The following AGBL4 variants were observed in gnomAD, a reference collection of about 807,000 sequenced individuals.
AGBL4 encodes AGBL carboxypeptidase 4.
Under a neutral mutation model 66.4 loss-of-function variants are expected in AGBL4, and 58 were observed. The observed-to-expected ratio is 0.87, with a 90% CI of 0.71 to 1.09. AGBL4 has a LOEUF of 1.09. Among genes scored for constraint, AGBL4 ranks in the 50% least tolerant of loss-of-function variants. The pLI is 0.00. For synonymous variants in AGBL4, 234 were observed against 222.9 expected, an observed-to-expected ratio of 1.05 and a Z score of -0.44; for missense variants, 579 against 631.0, an observed-to-expected ratio of 0.92 and a Z score of 0.88.
At chr1:49,320,009 T>C (rs1443344172) in intron 3 of AGBL4, among the ~76,000 whole-genome samples, 2 of 152,168 alleles carry the variant, frequency 1.3e-5, no homozygotes, top group East Asian at 3.9e-4. Context: ...GACGGTTCAC[T>C]ACAGCCTCAA....
chr1:49,896,987 G>A (rs1649289283), intron 1 of AGBL4, among the ~76,000 whole-genome samples: 1 of 151,598 alleles, frequency 6.6e-6, no homozygotes, highest in African/African-American at 2.4e-5. Context: ...ACATACAACA[G>A]ACCCACAGCT....
At chr1:48,827,654 T>C (rs1329188957) in intron 6 of AGBL4, among the ~76,000 whole-genome samples, 1 of 152,108 alleles carries the variant, frequency 6.6e-6, no homozygotes, top group African/African-American at 2.4e-5. Flanking sequence ...AGACATGTAG[T>C]TCTGCATGCT....
intron 1 of AGBL4, among the ~76,000 whole-genome samples, chr1:49,988,316 G>C (rs1161012752): frequency 6.6e-6 from 1 of 152,060 alleles, no homozygotes; most frequent in Non-Finnish European, 1.5e-5. Context: ...CAGTATTTGA[G>C]AATACCAAAA....
intron 2 of AGBL4, among the ~76,000 whole-genome samples, chr1:49,790,905 G>A (rs1644583724): frequency 5.3e-5 from 8 of 152,136 alleles, no homozygotes; most frequent in Admixed American, 5.2e-4. Context: ...TGTCTTAATA[G>A]CCAATTGACT....
intron 3 of AGBL4, among the ~76,000 whole-genome samples, chr1:49,546,035 C>T (rs1386703385): frequency 6.6e-6 from 1 of 152,096 alleles, no homozygotes; most frequent in Non-Finnish European, 1.5e-5. Flanking sequence ...GCCTCCCTCC[C>T]ACTTTTCCCC....
At chr1:48,877,296 A>G (rs1399861263) in intron 5 of AGBL4, among the ~76,000 whole-genome samples, 1 of 152,108 alleles carries the variant, frequency 6.6e-6, no homozygotes, top group East Asian at 1.9e-4. Context: ...TATGCTATTT[A>G]TTTGATTCAA....
chr1:48,811,811 G>A (rs955019099), intron 6 of AGBL4, among the ~76,000 whole-genome samples: 1 of 152,104 alleles, frequency 6.6e-6, no homozygotes, highest in Non-Finnish European at 1.5e-5. Flanking sequence ...TACGGAGTGG[G>A]TGGGATCTGA....
chr1:49,259,360 G>C (rs1652877535), intron 3 of AGBL4, among the ~76,000 whole-genome samples: 1 of 152,086 alleles, frequency 6.6e-6, no homozygotes, highest in African/African-American at 2.4e-5. Flanking sequence ...ACACAGACTG[G>C]CAAATTGGAT....
At chr1:49,983,703 G>C (rs1330311558) in intron 1 of AGBL4, among the ~76,000 whole-genome samples, 6 of 152,222 alleles carry the variant, frequency 3.9e-5, no homozygotes, top group African/African-American at 1.4e-4. Context: ...CATCTACTTT[G>C]ATCATGAACA....
At chr1:49,380,726 G>A (rs968094490) in intron 3 of AGBL4, among the ~76,000 whole-genome samples, 1 of 151,936 alleles carries the variant, frequency 6.6e-6, no homozygotes, top group African/African-American at 2.4e-5. Context: ...ACAAACCTGA[G>A]AAAAACAAGC....
chr1:48,904,091 C>T (rs996693973), intron 5 of AGBL4, among the ~76,000 whole-genome samples: 1 of 152,076 alleles, frequency 6.6e-6, no homozygotes, highest in African/African-American at 2.4e-5. Context: ...CCAGCCTGAC[C>T]AACATGGTGG....
intron 5 of AGBL4, among the ~76,000 whole-genome samples, chr1:49,039,215 G>A (rs1380634484): frequency 6.6e-6 from 1 of 152,040 alleles, no homozygotes; most frequent in African/African-American, 2.4e-5. Context: ...AGGTACAGAT[G>A]ATTTTTGGAA....
chr1:48,717,533 T>C (rs1411605769), intron 6 of AGBL4, among the ~76,000 whole-genome samples: 2 of 152,224 alleles, frequency 1.3e-5, no homozygotes, highest in Non-Finnish European at 2.9e-5. Context: ...CGTGTGTGTG[T>C]GCGCGCGTGC....
chr1:49,776,978 G>A (rs904607371), intron 2 of AGBL4, among the ~76,000 whole-genome samples: 6 of 152,032 alleles, frequency 3.9e-5, no homozygotes, highest in Non-Finnish European at 8.8e-5. Flanking sequence ...TCTAGCACAT[G>A]GAACAGTGCT....
At chr1:49,875,925 T>A (rs1272771278) in intron 1 of AGBL4, among the ~76,000 whole-genome samples, 4 of 149,350 alleles carry the variant, frequency 2.7e-5, no homozygotes, top group African/African-American at 9.9e-5. Context: ...GAGCATTTTT[T>A]CATGTGTTTT....
intron 3 of AGBL4, among the ~76,000 whole-genome samples, chr1:49,447,823 G>A (rs1646192910): frequency 6.6e-6 from 1 of 152,134 alleles, no homozygotes; most frequent in Non-Finnish European, 1.5e-5. Flanking sequence ...TGTTCCCCAT[G>A]AGTTCTCTGT....
intron 2 of AGBL4, among the ~76,000 whole-genome samples, chr1:49,738,865 TAACA>T: frequency 6.6e-6 from 1 of 152,230 alleles, no homozygotes; most frequent in East Asian, 1.9e-4. Context: ...GAAGGAAAAC[TAACA>T]AACAGAAAGG....
At chr1:49,970,551 C>T (rs1220222639) in intron 1 of AGBL4, among the ~76,000 whole-genome samples, 1 of 151,898 alleles carries the variant, frequency 6.6e-6, no homozygotes, top group East Asian at 1.9e-4. Flanking sequence ...CAAAAATTAG[C>T]CAGGTGTGGT....
At chr1:49,955,675 T>C (rs1445014822) in intron 1 of AGBL4, among the ~76,000 whole-genome samples, 1 of 151,866 alleles carries the variant, frequency 6.6e-6, no homozygotes, top group Non-Finnish European at 1.5e-5. Flanking sequence ...CCTTCCTAGT[T>C]TGGAAAGAGC....
Sources: allele counts gnomAD v4.1 joint callset (sites outside exome capture counted in the v4.1 genomes callset), GRCh38; gene constraint gnomAD v4.1.1; transcripts MANE v1.5; gene names NCBI Gene and HGNC (gene_info 2026-07-23, HGNC 2026-07-21).